Variants in SMAD1 observed in about 807,000 individuals in gnomAD.
SMAD1 encodes SMAD family member 1, also known as MAD, mothers against decapentaplegic homolog 1.
Under a neutral mutation model 41.6 loss-of-function variants are expected in SMAD1, and 6 were observed. The observed-to-expected ratio is 0.14, with a 90% CI of 0.08 to 0.28. The LOEUF (loss-of-function observed/expected upper bound fraction) is 0.28, where lower values mean the gene tolerates loss of function less well. Ranked by LOEUF, SMAD1 falls within the 10% of genes least tolerant of loss-of-function variation. The pLI, the probability that SMAD1 is intolerant of heterozygous loss-of-function variation, is 1.00. For missense variants in SMAD1, 379 were observed against 582.6 expected (o/e 0.65, Z 3.60); for synonymous variants, 206 against 203.2 (o/e 1.01, Z -0.12).
At chr4:145,543,185 AC>A (rs1732051226) in intron 4 of SMAD1, among the ~76,000 whole-genome samples, 1 of 152,066 alleles carries the variant, frequency 6.6e-6, no homozygotes, top group Admixed American at 6.6e-5. Context: ...CAGGCTGGTC[AC>A]GAATTCCTGA....
At position 145,516,276 on chromosome 4, in the gene SMAD1, T is replaced by G. The variant is rs546573343; in HGVS notation, c.400+1263T>G. ...TATATTTAAAAATGTTACATAATAT[T>G]GGAGTTTCTTTGTACAACTTATGTT... On this transcript the variant is annotated intron_variant, in intron 2 of 6. Coordinates refer to ENST00000302085, the MANE Select transcript of SMAD1 (RefSeq NM_005900.3). Among the ~76,000 whole-genome samples the G allele has an allele frequency of 4.7e-4, 72 of 152,316 alleles. No homozygotes were observed. In the Middle Eastern group the frequency reaches 0.01, roughly 22 times the overall value.
chr4:145,521,432 T>G (rs900543233), intron 2 of SMAD1, among the ~76,000 whole-genome samples: 1 of 152,192 alleles, frequency 6.6e-6, no homozygotes, highest in Non-Finnish European at 1.5e-5. Context: ...ATTCTGAGAT[T>G]TCAGTTTTGA....
chr4:145,500,714 A>G (rs1355219309), intron 1 of SMAD1, among the ~76,000 whole-genome samples: 2 of 152,130 alleles, frequency 1.3e-5, no homozygotes, highest in East Asian at 1.9e-4. Context: ...TGTAGTGGTT[A>G]CTAGTTTTTC....
intron 6 of SMAD1, among the ~76,000 whole-genome samples, chr4:145,556,984 G>T (rs1334533327): frequency 1.3e-5 from 2 of 152,148 alleles, no homozygotes; most frequent in South Asian, 4.1e-4. Flanking sequence ...GGCCCCAGAT[G>T]TATTTCTTAA....
At chr4:145,557,249 C>G (rs1732891481) in intron 6 of SMAD1, among the ~76,000 whole-genome samples, 1 of 152,154 alleles carries the variant, frequency 6.6e-6, no homozygotes, top group Non-Finnish European at 1.5e-5. Flanking sequence ...TGTATTGATT[C>G]ATGGCAATGG....
chr4:145,536,671 A>C (rs1731630871), intron 2 of SMAD1, among the ~76,000 whole-genome samples: 1 of 152,222 alleles, frequency 6.6e-6, no homozygotes. Flanking sequence ...TCAGTTCACA[A>C]CCATTATAGC....
At chr4:145,552,752 A>T (rs1401462427) in intron 5 of SMAD1, among the ~76,000 whole-genome samples, 1 of 152,086 alleles carries the variant, frequency 6.6e-6, no homozygotes, top group African/African-American at 2.4e-5. Flanking sequence ...CAAACATCTT[A>T]GCTGTACAAT....
chr4:145,488,629 G>T (rs113320915), intron 1 of SMAD1, among the ~76,000 whole-genome samples: 2 of 151,868 alleles, frequency 1.3e-5, no homozygotes, highest in African/African-American at 4.8e-5. Flanking sequence ...TTATAATTAG[G>T]CATTAATTAA....
intron 5 of SMAD1, among the ~76,000 whole-genome samples, chr4:145,548,151 C>T (rs1732354950): frequency 6.6e-6 from 1 of 152,156 alleles, no homozygotes; most frequent in African/African-American, 2.4e-5. Flanking sequence ...CACTGGCCAA[C>T]TCTCAGACAA....
At position 145,558,091 on chromosome 4, in the gene SMAD1, A is replaced by AC. The variant is rs1055770542; in HGVS notation, c.*157_*158insC. The AC allele has an allele frequency of 1.7e-5, 7 of 413,394 alleles. No homozygotes were observed. In the South Asian group the frequency reaches 3.6e-4, roughly 21 times the overall value. The allele number at this position is 413,394 out of a possible 1,614,324, so 25.6% of individuals were successfully genotyped here. On this transcript the variant is annotated 3_prime_UTR_variant, in exon 7 of 7. Transcript: ENST00000302085. ...TCAGAAATTTAAACAAAAAAAAAAA[A>AC]AAACACACACACCTTGGTAACATAC...
At chr4:145,495,984 A>G (rs565563564) in intron 1 of SMAD1, among the ~76,000 whole-genome samples, 1 of 152,194 alleles carries the variant, frequency 6.6e-6, no homozygotes, top group East Asian at 1.9e-4. Flanking sequence ...GATTATTAAG[A>G]TTTGAACACA....
rs185393759 is a variant in SMAD1, at chr4:145,535,051, A to G, written c.401-4753A>G. On this transcript the variant is annotated intron_variant, in intron 2 of 6. Coordinates refer to ENST00000302085, the MANE Select transcript of SMAD1 (RefSeq NM_005900.3). ...ATACCAAAAATAGGCAAAAGGCATAAGCCAACAGTTCAAAGAAAAAGATAG... is the reference window on the plus strand; with the variant it reads ...ATACCAAAAATAGGCAAAAGGCATAGGCCAACAGTTCAAAGAAAAAGATAG... Among the ~76,000 whole-genome samples the G allele has an allele frequency of 6.6e-5, 10 of 152,318 alleles. No individual in the cohort carries two copies. In the East Asian group the frequency reaches 1.9e-3, roughly 29 times the overall value.
chr4:145,512,253 T>A (rs539374384), intron 1 of SMAD1, among the ~76,000 whole-genome samples: 27 of 152,302 alleles, frequency 1.8e-4, no homozygotes, highest in Middle Eastern at 3.4e-3. Flanking sequence ...CCTTGGAAGG[T>A]GTAGGGCTTC....
Position 145,518,389 on chromosome 4 carries a change from T to A in SMAD1, c.400+3376T>A, listed in dbSNP as rs947704410. 6.0e-4 allele frequency among the ~76,000 whole-genome samples: 74 copies of A among 124,164 alleles called. 6 individuals are homozygous for A. The highest frequency in any genetic ancestry group is 1.8e-3 in the African/African-American group (70 of 38,908). The allele number at this position is 124,164 out of a possible 152,430, so 81.5% of individuals were successfully genotyped here. On this transcript the variant is annotated intron_variant, in intron 2 of 6. Transcript: ENST00000302085. ...CTGTAATCCCAGCTACTCGGGAGGC[T>A]GAGGCAGAAAAATCACTTGAACCTG...
chr4:145,533,914 T>C (rs565291803), intron 2 of SMAD1, among the ~76,000 whole-genome samples: 14 of 152,286 alleles, frequency 9.2e-5, no homozygotes, highest in East Asian at 3.9e-4. Flanking sequence ...AAAATTGATA[T>C]ATTGAAGCCC....
At chr4:145,513,874 C>T (rs1256182045) in intron 1 of SMAD1, among the ~76,000 whole-genome samples, 6 of 152,194 alleles carry the variant, frequency 3.9e-5, no homozygotes, top group Non-Finnish European at 8.8e-5. Context: ...ACTTTTTAAA[C>T]TGCTTCTCAG....
intron 1 of SMAD1, among the ~76,000 whole-genome samples, chr4:145,499,690 G>T (rs942522222): frequency 6.6e-6 from 1 of 152,000 alleles, no homozygotes; most frequent in African/African-American, 2.4e-5. Flanking sequence ...TTTAGACTTG[G>T]GTCCCATCCC....
intron 2 of SMAD1, among the ~76,000 whole-genome samples, chr4:145,517,848 A>G (rs1578779160): frequency 7.9e-6 from 1 of 126,578 alleles, no homozygotes; most frequent in East Asian, 2.0e-4. Flanking sequence ...AAACTGGCTT[A>G]CATAGGCATT....
At chr4:145,548,445 G>A (rs1732375771) in intron 5 of SMAD1, among the ~76,000 whole-genome samples, 2 of 151,966 alleles carry the variant, frequency 1.3e-5, no homozygotes, top group Admixed American at 1.3e-4. Flanking sequence ...TGGCTAGGCT[G>A]GTCTCGAACT....
Sources: allele counts gnomAD v4.1 joint callset (sites outside exome capture counted in the v4.1 genomes callset), GRCh38; gene constraint gnomAD v4.1.1; transcripts MANE v1.5; gene names NCBI Gene and HGNC (gene_info 2026-07-23, HGNC 2026-07-21).